The following CALCR variants were observed in gnomAD, a reference collection of about 807,000 sequenced individuals.
CALCR encodes the protein calcitonin receptor.
Under a neutral mutation model 59.5 loss-of-function variants are expected in CALCR, and 47 were observed. That is an observed-to-expected ratio of 0.79 (90% CI 0.63 to 1.01). The LOEUF is 1.01. CALCR is among the 50% of genes least tolerant of loss of function. The pLI is 0.00. For synonymous variants in CALCR, 213 were observed against 211.3 expected, an observed-to-expected ratio of 1.01 and a Z score of -0.07; for missense variants, 566 against 597.1, an observed-to-expected ratio of 0.95 and a Z score of 0.54.
chr7:93,547,567 C>T (rs1789323291), intron 2 of CALCR, among the ~76,000 whole-genome samples: 1 of 152,148 alleles, frequency 6.6e-6, no homozygotes, highest in African/African-American at 2.4e-5. Flanking sequence ...ATTTGCTCCT[C>T]TGTTTTATGG....
intron 2 of CALCR, among the ~76,000 whole-genome samples, chr7:93,551,426 A>G (rs1789455060): frequency 6.6e-6 from 1 of 152,204 alleles, no homozygotes; most frequent in South Asian, 2.1e-4. Flanking sequence ...GGACTTTTTG[A>G]TTACATGATT....
chr7:93,446,729 T>C (rs985513462), intron 8 of CALCR, among the ~76,000 whole-genome samples: 2 of 151,968 alleles, frequency 1.3e-5, no homozygotes, highest in African/African-American at 4.8e-5. Flanking sequence ...ATTAGCAGCA[T>C]GGGGTATTAA....
chr7:93,436,091 ATG>A lies in CALCR; in HGVS notation c.1008_1009del (p.Met337ValfsTer36). On this transcript the variant is annotated frameshift_variant, in exon 12 of 14. Coordinates refer to ENST00000426151, the MANE Select transcript of CALCR (RefSeq NM_001742.4). LOFTEE classifies it high-confidence loss of function. ...GGTGGCCTTCACAGCCTTCAGGTAC[ATG>A]TGGGATTCCGCCTCATGGGTTTCCC... The A allele has an allele frequency of 6.2e-7, 1 of 1,614,170 alleles. No homozygotes were observed. The highest frequency in any genetic ancestry group is 8.5e-7 in the Non-Finnish European group (1 of 1,179,986).
chr7:93,478,217 A>G (rs1800712010), intron 4 of CALCR, among the ~76,000 whole-genome samples: 1 of 123,902 alleles, frequency 8.1e-6, no homozygotes, highest in African/African-American at 2.7e-5. Flanking sequence ...TTCTTGATAA[A>G]CACTGAAATT....
At chr7:93,534,597 A>G (rs1788938190) in intron 2 of CALCR, among the ~76,000 whole-genome samples, 1 of 151,834 alleles carries the variant, frequency 6.6e-6, no homozygotes, top group Admixed American at 6.6e-5. Context: ...AAAAGAGGCC[A>G]TTCTTAGGAA....
chr7:93,446,353 T>A (rs1171994617), intron 8 of CALCR, among the ~76,000 whole-genome samples: 1 of 152,028 alleles, frequency 6.6e-6, no homozygotes, highest in Admixed American at 6.6e-5. Context: ...GATCGGTGTT[T>A]CATAACTAAG....
At chr7:93,550,598 A>ACACACACAC (rs1789427643) in intron 2 of CALCR, among the ~76,000 whole-genome samples, 1 of 121,850 alleles carries the variant, frequency 8.2e-6, no homozygotes, top group African/African-American at 2.9e-5. Flanking sequence ...ATTTGGGCTA[A>ACACACACAC]ACACACACAC....
chr7:93,526,651 T>G (rs1161875414), intron 2 of CALCR, among the ~76,000 whole-genome samples: 1 of 152,134 alleles, frequency 6.6e-6, no homozygotes, highest in African/African-American at 2.4e-5. Context: ...ATATGAAATT[T>G]TATTCCATTA....
chr7:93,499,919 T>C (rs1801286585), intron 2 of CALCR, among the ~76,000 whole-genome samples: 1 of 151,930 alleles, frequency 6.6e-6, no homozygotes, highest in Non-Finnish European at 1.5e-5. Flanking sequence ...GATTAAGATA[T>C]AGTCCTTATA....
At chr7:93,448,608 A>G (rs10271051) in intron 8 of CALCR, among the ~76,000 whole-genome samples, 1 of 151,918 alleles carries the variant, frequency 6.6e-6, no homozygotes, top group Non-Finnish European at 1.5e-5. Flanking sequence ...AATGATTTCT[A>G]AAAAAAGTAA....
chr7:93,478,354 A>T (rs1293616925), intron 4 of CALCR, among the ~76,000 whole-genome samples: 2 of 151,892 alleles, frequency 1.3e-5, no homozygotes, highest in Admixed American at 6.6e-5. Flanking sequence ...AATGTGCAGT[A>T]ACAGAGTATA....
chr7:93,525,009 A>T (rs12704673), intron 2 of CALCR, among the ~76,000 whole-genome samples: 42,098 of 152,012 alleles, frequency 0.28, 7,040 homozygotes, highest in Non-Finnish European at 0.38. Flanking sequence ...CAACATGCTT[A>T]GAAAATATCT....
At chr7:93,552,816 T>C (rs548003700) in intron 2 of CALCR, among the ~76,000 whole-genome samples, 1 of 152,260 alleles carries the variant, frequency 6.6e-6, no homozygotes, top group African/African-American at 2.4e-5. Context: ...AATGCTCAAG[T>C]AGAGTTCCCC....
At chr7:93,485,530 T>C (rs1226246278) in intron 3 of CALCR, among the ~76,000 whole-genome samples, 2 of 151,702 alleles carry the variant, frequency 1.3e-5, no homozygotes, top group Non-Finnish European at 3.0e-5. Context: ...TTATGAAGCA[T>C]GATTATTCAA....
chr7:93,505,071 G>A (rs964158211), intron 2 of CALCR, among the ~76,000 whole-genome samples: 4 of 151,942 alleles, frequency 2.6e-5, no homozygotes, highest in Admixed American at 1.3e-4. Flanking sequence ...GGAAGGTACC[G>A]GTTCTGAGTA....
intron 8 of CALCR, among the ~76,000 whole-genome samples, chr7:93,455,926 A>G (rs1800201076): frequency 1.3e-5 from 2 of 152,146 alleles, no homozygotes; most frequent in Admixed American, 1.3e-4. Context: ...AAGGATGAAT[A>G]ATGTATAAAA....
At chr7:93,495,876 T>C in intron 2 of CALCR, 1 of 1,528,324 alleles carries the variant, frequency 6.5e-7, no homozygotes, top group Non-Finnish European at 8.8e-7. Flanking sequence ...GAATCTATAC[T>C]GGTTTGTATC....
chr7:93,464,356 T>A (rs1399015540), intron 7 of CALCR, among the ~76,000 whole-genome samples: 1 of 151,940 alleles, frequency 6.6e-6, no homozygotes, highest in African/African-American at 2.4e-5. Context: ...CAAGTAAAAG[T>A]TGTTTTGAAG....
chr7:93,476,775 T>C (rs1195366959), intron 5 of CALCR, among the ~76,000 whole-genome samples: 2 of 151,716 alleles, frequency 1.3e-5, no homozygotes, highest in African/African-American at 2.4e-5. Context: ...TTGGGAAGAG[T>C]CAATAAGGGC....
Sources: gnomAD v4.1 joint callset for allele counts (sites outside exome capture counted in the v4.1 genomes callset) on GRCh38, gnomAD v4.1.1 for gene constraint, MANE v1.5 for transcripts, NCBI Gene and HGNC (gene_info 2026-07-23, HGNC 2026-07-21) for gene names.